MACROD2: variants seen among roughly 807,000 people sequenced by gnomAD.
MACROD2 encodes mono-ADP ribosylhydrolase 2, also known as ADP-ribose glycohydrolase MACROD2.
In MACROD2, 36 loss-of-function variants were observed where a neutral mutation model predicts 70.4. That is an observed-to-expected ratio of 0.51 (90% confidence interval 0.39 to 0.68). MACROD2 has a LOEUF of 0.68. Ranked by LOEUF, MACROD2 falls within the 30% of genes least tolerant of loss-of-function variation. The pLI, the probability that MACROD2 is intolerant of heterozygous loss-of-function variation, is 0.00. For missense variants in MACROD2, 496 were observed against 538.4 expected (o/e 0.92, Z 0.78); for synonymous variants, 172 against 178.8 (o/e 0.96, Z 0.30).
chr20:15,096,216 T>C (rs1224948916), intron 5 of MACROD2, among the ~76,000 whole-genome samples: 1 of 152,024 alleles, frequency 6.6e-6, no homozygotes, highest in Non-Finnish European at 1.5e-5. Context: ...AAGAGTTTGA[T>C]TTGATTTCCA....
At chr20:14,678,491 TAAG>T (rs1313825494) in intron 4 of MACROD2, among the ~76,000 whole-genome samples, 1 of 152,182 alleles carries the variant, frequency 6.6e-6, no homozygotes, top group African/African-American at 2.4e-5. Flanking sequence ...TTTGGTATGA[TAAG>T]AAGCATAGAC....
intron 5 of MACROD2, among the ~76,000 whole-genome samples, chr20:15,054,945 G>GTTT: frequency 9.4e-6 from 1 of 106,122 alleles, no homozygotes; most frequent in African/African-American, 3.8e-5. Context: ...GCCACATCTA[G>GTTT]CTTTTTTTTT....
At chr20:15,958,862 G>A (rs1398554595) in intron 12 of MACROD2, among the ~76,000 whole-genome samples, 3 of 152,160 alleles carry the variant, frequency 2.0e-5, no homozygotes, top group African/African-American at 4.8e-5. Flanking sequence ...GCAGGAACGT[G>A]ACCAGAAGGC....
intron 4 of MACROD2, among the ~76,000 whole-genome samples, chr20:14,510,683 C>A (rs979935303): frequency 6.6e-6 from 1 of 152,096 alleles, no homozygotes; most frequent in African/African-American, 2.4e-5. Context: ...CTTTTATCTT[C>A]ATCTGACTCT....
chr20:15,143,135 A>G (rs1290528190), intron 5 of MACROD2, among the ~76,000 whole-genome samples: 1 of 152,182 alleles, frequency 6.6e-6, no homozygotes, highest in African/African-American at 2.4e-5. Context: ...CCAACAGTGT[A>G]AAAGTGTTCC....
At chr20:15,091,033 A>G (rs143375179) in intron 5 of MACROD2, among the ~76,000 whole-genome samples, 182 of 151,928 alleles carry the variant, frequency 1.2e-3, no homozygotes, top group African/African-American at 3.8e-3. Flanking sequence ...CACCTCCCCA[A>G]CTATAGCATC....
Position 14,817,954 on chromosome 20 carries a change from TG to T in MACROD2, c.418+132999del, listed in dbSNP as rs1480541101. ...CCTGTACTAGCAGTTGGATGCCAGTTGGGGCACACTGAAGCAGTAACAGCTA... is the reference window on the plus strand; with the variant it reads ...CCTGTACTAGCAGTTGGATGCCAGTTGGGCACACTGAAGCAGTAACAGCTA... On this transcript the variant is annotated intron_variant, in intron 5 of 17. Coordinates refer to ENST00000684519, the MANE Select transcript of MACROD2 (RefSeq NM_001351661.2). Among the ~76,000 whole-genome samples, 3 of 152,052 alleles carry T rather than the reference TG, an allele frequency of 2.0e-5. 1 individual carries two copies. Among genetic ancestry groups the T allele is most frequent in the Non-Finnish European group, 2.9e-5 (2 of 67,984 alleles).
At chr20:14,242,223 G>A (rs1569223589) in intron 3 of MACROD2, among the ~76,000 whole-genome samples, 1 of 152,084 alleles carries the variant, frequency 6.6e-6, no homozygotes, top group Non-Finnish European at 1.5e-5. Context: ...CTTCCTATCT[G>A]ATAACAATTT....
intron 5 of MACROD2, among the ~76,000 whole-genome samples, chr20:14,850,800 A>C (rs370537): frequency 0.096 from 14,543 of 152,252 alleles, 883 homozygotes; most frequent in Non-Finnish European, 0.14. Context: ...AAATATTATA[A>C]TTTGAAAATG....
intron 6 of MACROD2, among the ~76,000 whole-genome samples, chr20:15,268,939 CT>C (rs1386022987): frequency 6.6e-6 from 1 of 152,184 alleles, no homozygotes; most frequent in African/African-American, 2.4e-5. Context: ...AAGTTGATAA[CT>C]TTTCTCTTTC....
chr20:15,794,867 T>G (rs776098106), intron 8 of MACROD2, among the ~76,000 whole-genome samples: 1 of 152,204 alleles, frequency 6.6e-6, no homozygotes, highest in African/African-American at 2.4e-5. Context: ...CCTGATTAGC[T>G]ATGATCAGAT....
intron 8 of MACROD2, among the ~76,000 whole-genome samples, chr20:15,775,342 G>C (rs2051703977): frequency 6.6e-6 from 1 of 152,084 alleles, no homozygotes; most frequent in African/African-American, 2.4e-5. Context: ...TCCATAGACT[G>C]GACAGAACCA....
At chr20:15,350,206 A>G (rs2078212719) in intron 6 of MACROD2, among the ~76,000 whole-genome samples, 1 of 152,186 alleles carries the variant, frequency 6.6e-6, no homozygotes, top group Non-Finnish European at 1.5e-5. Context: ...TTTCGTCATT[A>G]TAGCTTTGGT....
chr20:14,027,769 G>T (rs2053191700), intron 2 of MACROD2, among the ~76,000 whole-genome samples: 2 of 152,180 alleles, frequency 1.3e-5, no homozygotes, highest in Admixed American at 1.3e-4. Flanking sequence ...ATTGCTGCCT[G>T]TTCCTTCCTC....
intron 5 of MACROD2, among the ~76,000 whole-genome samples, chr20:14,839,686 G>A (rs899999424): frequency 6.6e-6 from 1 of 152,128 alleles, no homozygotes; most frequent in East Asian, 1.9e-4. Context: ...ACATTGATCA[G>A]ATGGCCAGTA....
Position 15,357,078 on chromosome 20 carries a change from T to C in MACROD2, c.541-74327T>C, listed in dbSNP as rs78433337. ...TCCAATTAGTCTAGATGCACATGTG[T>C]ACCTACTTAATGAAACCATCTCATC... On this transcript the variant is annotated intron_variant, in intron 6 of 17. Coordinates refer to ENST00000684519, the MANE Select transcript of MACROD2 (RefSeq NM_001351661.2). Among the ~76,000 whole-genome samples the C allele has an allele frequency of 2.8e-4, 43 of 152,204 alleles. No homozygotes were observed. The East Asian group carries it at 8.1e-3, about 29-fold the overall frequency.
rs2067476955 is a variant in MACROD2 at position 16,052,935 on chromosome 20, G to A, written c.*3059G>A. ...AAATCAGAAAAAAAGTAATTTTCTT[G>A]ATCAAGATATGTTTTTACTTAATGC... is the stretch of plus-strand genomic sequence containing the variant. On this transcript the variant is annotated 3_prime_UTR_variant, in exon 18 of 18. Coordinates refer to ENST00000684519, the MANE Select transcript of MACROD2 (RefSeq NM_001351661.2). 1 of 152,490 alleles carries A rather than the reference G, an allele frequency of 6.6e-6. No homozygotes were observed. The highest frequency in any genetic ancestry group is 2.4e-5 in the African/African-American group (1 of 41,406). The allele number at this position is 152,490 out of a possible 1,614,324, so 9.4% of individuals were successfully genotyped here.
At chr20:14,027,182 T>C (rs1228851720) in intron 2 of MACROD2, among the ~76,000 whole-genome samples, 1 of 152,170 alleles carries the variant, frequency 6.6e-6, no homozygotes, top group African/African-American at 2.4e-5. Context: ...TCTCTCATCT[T>C]GTCATCACTC....
intron 5 of MACROD2, among the ~76,000 whole-genome samples, chr20:14,709,964 CAT>C (rs1229631329): frequency 3.3e-5 from 5 of 152,066 alleles, no homozygotes; most frequent in Admixed American, 2.0e-4. Flanking sequence ...TGTTTATAAA[CAT>C]ATTTTCTAAT....
Sources: allele counts gnomAD v4.1 joint callset (sites outside exome capture counted in the v4.1 genomes callset), GRCh38; gene constraint gnomAD v4.1.1; transcripts MANE v1.5; gene names NCBI Gene and HGNC (gene_info 2026-07-23, HGNC 2026-07-21).